The following SETD2 variants were observed in gnomAD, a reference collection of about 807,000 sequenced individuals.
SETD2 encodes the protein histone-lysine N-methyltransferase SETD2.
A neutral mutation model predicts 242.1 loss-of-function variants in SETD2; 31 were observed. That is an observed-to-expected ratio of 0.13 (90% CI 0.10 to 0.17). The LOEUF (loss-of-function observed/expected upper bound fraction) is 0.17, where lower values mean the gene tolerates loss of function less well. Among genes scored for constraint, SETD2 ranks in the 10% least tolerant of loss-of-function variants. The pLI, the probability that SETD2 is intolerant of heterozygous loss-of-function variation, is 1.00. For missense variants in SETD2, 2,481 were observed against 3,046.3 expected, an observed-to-expected ratio of 0.81 and a Z score of 4.37; for synonymous variants, 1,006 against 1,066.5, an observed-to-expected ratio of 0.94 and a Z score of 1.11.
Position 47,101,597 on chromosome 3 carries a change from AGTGT to A in SETD2, c.4918-46_4918-43del, listed in dbSNP as rs61571386. ...AAACAAAAGAAATTAGTAACTTATT[AGTGT>A]GTGTGTGTGTGTGTGTGTGTGTGTG... On this transcript the variant is annotated intron_variant, in intron 7 of 20. Transcript: ENST00000409792. The A allele has an allele frequency of 0.041, 29,661 of 726,374 alleles. 355 individuals carry two copies. Among genetic ancestry groups the A allele is most frequent in the East Asian group, 0.13 (4,623 of 35,744 alleles). The allele number at this position is 726,374 out of a possible 1,614,324, so 45.0% of individuals were successfully genotyped here.
At chr3:47,039,990 T>G (rs2039205061) in intron 17 of SETD2, among the ~76,000 whole-genome samples, 1 of 152,042 alleles carries the variant, frequency 6.6e-6, no homozygotes, top group Non-Finnish European at 1.5e-5. Flanking sequence ...GCCTTTTTGT[T>G]TTTTGAGATA....
At chr3:47,055,961 C>T (rs1396603335) in intron 15 of SETD2, among the ~76,000 whole-genome samples, 1 of 118,826 alleles carries the variant, frequency 8.4e-6, no homozygotes, top group Non-Finnish European at 1.6e-5. Context: ...TGCAGTGAAC[C>T]GAGATCGCGC....
intron 1 of SETD2, among the ~76,000 whole-genome samples, chr3:47,130,634 T>C (rs531429569): frequency 7.2e-5 from 11 of 152,158 alleles, no homozygotes; most frequent in Non-Finnish European, 1.5e-4. Context: ...AACAAGGGTA[T>C]AGAAACAAGA....
At chr3:47,147,970 C>T (rs1291097876) in intron 1 of SETD2, among the ~76,000 whole-genome samples, 1 of 150,768 alleles carries the variant, frequency 6.6e-6, no homozygotes, top group Non-Finnish European at 1.5e-5. Flanking sequence ...ATACTTTCTG[C>T]ACTCTTGTTC....
At chr3:47,081,178 C>G (rs1328282915) in intron 12 of SETD2, 1 of 678,334 alleles carries the variant, frequency 1.5e-6, no homozygotes, top group Non-Finnish European at 1.8e-6. Context: ...CCCTCCCACC[C>G]TCTTTCATTT....
intron 13 of SETD2, among the ~76,000 whole-genome samples, chr3:47,066,144 A>C (rs1176985557): frequency 6.6e-6 from 1 of 152,234 alleles, no homozygotes; most frequent in African/African-American, 2.4e-5. Flanking sequence ...TTTCCACTTA[A>C]TGAAGAGTAA....
At chr3:47,044,858 A>C (rs2039451506) in intron 16 of SETD2, among the ~76,000 whole-genome samples, 1 of 152,210 alleles carries the variant, frequency 6.6e-6, no homozygotes, top group Admixed American at 6.5e-5. Flanking sequence ...CTAATACAAA[A>C]ATACAAAACA....
chr3:47,026,833 C>T (rs1273939092), intron 18 of SETD2, among the ~76,000 whole-genome samples: 1 of 151,972 alleles, frequency 6.6e-6, no homozygotes, highest in Non-Finnish European at 1.5e-5. Flanking sequence ...GGAGGGATGG[C>T]ATTATGAGAA....
At chr3:47,035,451 G>A (rs1242008666) in intron 18 of SETD2, among the ~76,000 whole-genome samples, 2 of 152,196 alleles carry the variant, frequency 1.3e-5, no homozygotes, top group Admixed American at 6.5e-5. Context: ...TGGCACATAA[G>A]CTGCCCTTTT....
At chr3:47,083,555 C>T (rs1043011011) in intron 12 of SETD2, among the ~76,000 whole-genome samples, 165 bp downstream of exon 12, 15 of 152,056 alleles carry the variant, frequency 9.9e-5, no homozygotes, top group Admixed American at 7.9e-4. Context: ...ACTCTTGCCA[C>T]GGTTTAGAGG....
chr3:47,086,951 G>A (rs2041586450), intron 10 of SETD2, among the ~76,000 whole-genome samples: 1 of 151,374 alleles, frequency 6.6e-6, no homozygotes, highest in Non-Finnish European at 1.5e-5. Context: ...GAGGCAGGAG[G>A]ATCACTTGAG....
At chr3:47,032,915 T>C (rs1214520229) in intron 18 of SETD2, among the ~76,000 whole-genome samples, 1 of 149,720 alleles carries the variant, frequency 6.7e-6, no homozygotes, top group South Asian at 2.1e-4. Flanking sequence ...GTCTCAGAGA[T>C]GAAAAAAAAA....
intron 1 of SETD2, chr3:47,163,301 G>A (rs1697556707): frequency 6.6e-6 from 1 of 152,276 alleles, no homozygotes; most frequent in African/African-American, 2.4e-5. Context: ...GGAGTGCAGC[G>A]CGGGCCCCTC....
chr3:47,097,149 C>G (rs543746683), intron 9 of SETD2, among the ~76,000 whole-genome samples: 1 of 152,214 alleles, frequency 6.6e-6, no homozygotes, highest in Non-Finnish European at 1.5e-5. Context: ...GAGCTAACTG[C>G]AAAAGAATCA....
At chr3:47,023,564 A>G (rs1466631549) in intron 18 of SETD2, among the ~76,000 whole-genome samples, 2 of 152,188 alleles carry the variant, frequency 1.3e-5, no homozygotes, top group African/African-American at 2.4e-5. Context: ...GAACCTGTAC[A>G]TGTCAATTTT....
intron 18 of SETD2, among the ~76,000 whole-genome samples, chr3:47,034,429 CTCTTT>C (rs2038913354): frequency 6.6e-6 from 1 of 152,176 alleles, no homozygotes; most frequent in Admixed American, 6.5e-5. Flanking sequence ...TAGTTTAGTG[CTCTTT>C]TCCTTCCTAG....
At chr3:47,047,808 T>C (rs1053164488) in intron 15 of SETD2, among the ~76,000 whole-genome samples, 1 of 152,218 alleles carries the variant, frequency 6.6e-6, no homozygotes, top group Non-Finnish European at 1.5e-5. Flanking sequence ...CAGTCATGTA[T>C]TGCTTAACAA....
intron 1 of SETD2, among the ~76,000 whole-genome samples, chr3:47,139,282 C>T (rs530403256): frequency 2.7e-4 from 41 of 152,234 alleles, no homozygotes; most frequent in African/African-American, 9.1e-4. Context: ...CTTCCTTTGA[C>T]AATTATCTGA....
At chr3:47,146,403 GGA>G (rs2043856148) in intron 1 of SETD2, among the ~76,000 whole-genome samples, 2 of 152,046 alleles carry the variant, frequency 1.3e-5, no homozygotes, top group Admixed American at 1.3e-4. Flanking sequence ...CGAGGCAGGC[GGA>G]TCACCTGAGG....
Sources: allele counts gnomAD v4.1 joint callset (sites outside exome capture counted in the v4.1 genomes callset), GRCh38; gene constraint gnomAD v4.1.1; transcripts MANE v1.5; gene names NCBI Gene and HGNC (gene_info 2026-07-23, HGNC 2026-07-21).